The following CSRP2 variants were observed in gnomAD, a reference collection of about 807,000 sequenced individuals.
CSRP2 encodes the protein cysteine and glycine-rich protein 2.
A neutral mutation model predicts 24.6 loss-of-function variants in CSRP2; 18 were observed. The observed-to-expected ratio is 0.73, with a 90% CI of 0.51 to 1.09. CSRP2 has a LOEUF of 1.09. CSRP2 is among the 50% of genes least tolerant of loss of function. The pLI, the probability that CSRP2 is intolerant of heterozygous loss-of-function variation, is 0.00. For missense variants in CSRP2, 215 were observed against 239.4 expected (o/e 0.90, Z 0.67); for synonymous variants, 87 against 84.3 (o/e 1.03, Z -0.18).
chr12:76,862,899 A>G (rs1592508186), intron 3 of CSRP2: 1 of 1,529,704 alleles, frequency 6.5e-7, no homozygotes, highest in African/African-American at 1.4e-5. Context: ...GTGCTGTGAA[A>G]TTGAAGTAAA....
intron 1 of CSRP2, 96 bp from the exon 2 acceptor site, chr12:76,866,357 T>C: frequency 1.2e-6 from 1 of 850,140 alleles, no homozygotes; most frequent in Non-Finnish European, 1.9e-6. Flanking sequence ...GATTTTCGTT[T>C]CTTTATGAAC....
chr12:76,866,308 G>A (rs760686315), intron 1 of CSRP2, 47 bp from the exon 2 acceptor site: 12 of 1,495,128 alleles, frequency 8.0e-6, no homozygotes, highest in African/African-American at 2.8e-5. Context: ...CTGGTCGTAC[G>A]GCTCCCTAGA....
chr12:76,877,977 CCA>C (rs1491525456), intron 1 of CSRP2, among the ~76,000 whole-genome samples: 13,936 of 138,098 alleles, frequency 0.1, 725 homozygotes, highest in Non-Finnish European at 0.13. Context: ...CCCCCACCCC[CCA>C]AAAAAAATTC....
chr12:76,863,434 G>T, intron 2 of CSRP2, 90 bp from the exon 3 acceptor site: 1 of 1,338,422 alleles, frequency 7.5e-7, no homozygotes, highest in Non-Finnish European at 1.0e-6. Context: ...CCTACAAATG[G>T]TGAAGGCTGA....
chr12:76,877,188 C>A (rs1953861229), intron 1 of CSRP2, among the ~76,000 whole-genome samples: 1 of 152,198 alleles, frequency 6.6e-6, no homozygotes, highest in South Asian at 2.1e-4. Context: ...GTCAGAGTTG[C>A]CTCTGGACTC....
chr12:76,873,657 G>A (rs1019419299), intron 1 of CSRP2, among the ~76,000 whole-genome samples: 25 of 152,210 alleles, frequency 1.6e-4, no homozygotes, highest in African/African-American at 4.8e-4. Flanking sequence ...GTTAAGAACA[G>A]TACCATCTTT....
intron 3 of CSRP2, chr12:76,860,706 G>C: frequency 4.2e-6 from 1 of 238,210 alleles, no homozygotes; most frequent in Non-Finnish European, 8.1e-6. Context: ...CTCAGTGTTG[G>C]CCTCTCCACT....
intron 3 of CSRP2, chr12:76,862,612 A>G: frequency 1.6e-6 from 1 of 623,698 alleles, no homozygotes; most frequent in African/African-American, 1.9e-5. Flanking sequence ...ATGAAATACT[A>G]AGTGAACTTT....
intron 1 of CSRP2, among the ~76,000 whole-genome samples, chr12:76,875,010 A>G (rs1258188110): frequency 6.6e-6 from 1 of 152,182 alleles, no homozygotes. Context: ...CAAAGAAACA[A>G]ATCAGGCTCA....
At position 76,862,885 on chromosome 12, in the gene CSRP2, CA is replaced by C. The variant is rs776225233; in HGVS notation, c.281+290del. 45 of 1,531,008 alleles carry C rather than the reference CA, an allele frequency of 2.9e-5. 2 individuals are homozygous for C. In the South Asian group the frequency reaches 5.3e-4, roughly 18 times the overall value. The allele number at this position is 1,531,008 out of a possible 1,614,324, so 94.8% of individuals were successfully genotyped here. ...ATTTAATTTCATGACATCCGGTCTC[CA>C]AGGTGCTGTGAAATTGAAGTAAATA... is the stretch of plus-strand genomic sequence containing the variant. On this transcript the variant is annotated intron_variant, in intron 3 of 5. Coordinates refer to ENST00000311083, the MANE Select transcript of CSRP2 (RefSeq NM_001321.3).
At chr12:76,878,446 C>T (rs1207286003) in intron 1 of CSRP2, 1 of 152,278 alleles carries the variant, frequency 6.6e-6, no homozygotes, top group Non-Finnish European at 1.5e-5. Context: ...AAGCCCCATT[C>T]CACCCCTAGG....
intron 1 of CSRP2, 23 bp from the exon 2 acceptor site, chr12:76,866,284 A>G: frequency 6.3e-7 from 1 of 1,586,274 alleles, no homozygotes; most frequent in South Asian, 1.1e-5. Context: ...AGGATTCATT[A>G]GAATGTCCCT....
At chr12:76,868,303 A>T (rs1953755008) in intron 1 of CSRP2, among the ~76,000 whole-genome samples, 2 of 152,152 alleles carry the variant, frequency 1.3e-5, no homozygotes, top group Non-Finnish European at 2.9e-5. Context: ...CCGAAATCTC[A>T]TCTTGAATTG....
At chr12:76,870,694 T>G (rs1953787391) in intron 1 of CSRP2, among the ~76,000 whole-genome samples, 1 of 152,104 alleles carries the variant, frequency 6.6e-6, no homozygotes, top group Non-Finnish European at 1.5e-5. Context: ...CAGTTGGATT[T>G]ACATTTTTTT....
chr12:76,868,107 T>G (rs888129369), intron 1 of CSRP2, among the ~76,000 whole-genome samples: 2 of 152,222 alleles, frequency 1.3e-5, no homozygotes, highest in African/African-American at 4.8e-5. Flanking sequence ...TGTGGTCTCC[T>G]GGTGATGGAT....
In CSRP2 at chr12:76,879,008, G is replaced by C. The variant is rs947607767; in HGVS notation, c.-72C>G. 8 of 152,280 alleles carry C rather than the reference G, an allele frequency of 5.3e-5. No homozygotes were observed. Among genetic ancestry groups the C allele is most frequent in the Admixed American group, 4.6e-4 (7 of 15,282 alleles). 9.4% of individuals were successfully genotyped at this position (152,280 alleles called of 1,614,324 possible). A position where few individuals can be genotyped will look rare whatever the true frequency, so the allele number is the denominator to read the frequency against. ...CTGGGCTGGAGGGAGGGTCCAGGGA[G>C]TCCGAGATCCCAGGCGAAGCGCGCG... On this transcript the variant is annotated 5_prime_UTR_variant, in exon 1 of 6. Transcript: ENST00000311083.
At chr12:76,868,860 G>A (rs1226223646) in intron 1 of CSRP2, among the ~76,000 whole-genome samples, 2 of 151,754 alleles carry the variant, frequency 1.3e-5, no homozygotes. Context: ...GTGAACCCGG[G>A]AGGCGGAGCT....
At chr12:76,871,714 A>G (rs1428737694) in intron 1 of CSRP2, among the ~76,000 whole-genome samples, 1 of 150,808 alleles carries the variant, frequency 6.6e-6, no homozygotes, top group Non-Finnish European at 1.5e-5. Context: ...CAGTGAGCCG[A>G]GATAGTGCCA....
intron 1 of CSRP2, among the ~76,000 whole-genome samples, chr12:76,868,934 A>G (rs2137831180): frequency 6.7e-6 from 1 of 150,038 alleles, no homozygotes; most frequent in African/African-American, 2.5e-5. Context: ...CTCCGCCTCA[A>G]AAGAAAAAAA....
Sources: gnomAD v4.1 joint callset for allele counts (sites outside exome capture counted in the v4.1 genomes callset) on GRCh38, gnomAD v4.1.1 for gene constraint, MANE v1.5 for transcripts, NCBI Gene and HGNC (gene_info 2026-07-23, HGNC 2026-07-21) for gene names.